Variants in DNAH7 observed in about 807,000 individuals in gnomAD.
The protein encoded by DNAH7 is axonemal beta dynein heavy chain 7.
Under a neutral mutation model 444.6 loss-of-function variants are expected in DNAH7, and 397 were observed. That is an observed-to-expected ratio of 0.89 (90% confidence interval 0.82 to 0.97). The LOEUF is 0.97. Among genes scored for constraint, DNAH7 ranks in the 50% least tolerant of loss-of-function variants. The pLI is 0.00. For missense variants in DNAH7, 4,902 were observed against 4,800.8 expected, an observed-to-expected ratio of 1.02 and a Z score of -0.62; for synonymous variants, 1,636 against 1,624.4, an observed-to-expected ratio of 1.01 and a Z score of -0.17.
intron 12 of DNAH7, among the ~76,000 whole-genome samples, chr2:195,988,744 T>C (rs1411710396): frequency 2.6e-5 from 4 of 152,146 alleles, no homozygotes; most frequent in Non-Finnish European, 5.9e-5. Context: ...TATTGTTAAC[T>C]ATAGTCACCC....
At chr2:195,888,596 T>C (rs987279528) in intron 32 of DNAH7, among the ~76,000 whole-genome samples, 162 bp from the exon 33 acceptor site, 3 of 152,192 alleles carry the variant, frequency 2.0e-5, no homozygotes, top group Non-Finnish European at 2.9e-5. Flanking sequence ...CTTTACCAAA[T>C]AGTCCTAAAC....
In DNAH7 at chr2:195,864,534, G is replaced by A. The variant is rs1490345189; in HGVS notation, c.7121C>T (p.Thr2374Ile). The change falls in exon 41 of 65, where the codon ACT becomes ATT. Residue 2374 changes from threonine (T) to isoleucine (I), a missense_variant. Thr to Ile is a moderately conservative substitution (Grantham distance 89). Coordinates refer to ENST00000312428, the MANE Select transcript of DNAH7 (RefSeq NM_018897.3). Reference sequence around the variant, plus strand: ...CACTTTTAAATCTTCATGCCATTCAGTAGTATCATACCCCTTAGAGATTTC... The same window carrying A: ...CACTTTTAAATCTTCATGCCATTCAATAGTATCATACCCCTTAGAGATTTC... ...QVEISKGYDTTEWHEDLKVIL... is the reference protein window; with the variant it reads ...QVEISKGYDTIEWHEDLKVIL... 6.2e-7 allele frequency: 1 copy of A among 1,614,144 alleles called. No homozygotes were observed. The highest frequency in any genetic ancestry group is 1.7e-5 in the Admixed American group (1 of 60,014).
intron 18 of DNAH7, among the ~76,000 whole-genome samples, chr2:195,959,115 G>T (rs1690901479): frequency 6.6e-6 from 1 of 152,028 alleles, no homozygotes; most frequent in South Asian, 2.1e-4. Flanking sequence ...CTTAGATGTG[G>T]CATAGTCTTA....
intron 46 of DNAH7, among the ~76,000 whole-genome samples, chr2:195,848,416 T>C (rs1311334880): frequency 6.6e-6 from 1 of 152,222 alleles, no homozygotes; most frequent in Non-Finnish European, 1.5e-5. Flanking sequence ...GGCACACAAT[T>C]TCATTTCTGA....
At chr2:196,055,486 A>T (rs888852489) in intron 2 of DNAH7, among the ~76,000 whole-genome samples, 3 of 152,226 alleles carry the variant, frequency 2.0e-5, no homozygotes, top group Non-Finnish European at 4.4e-5. Context: ...AGATTAGGGG[A>T]ACGTTTCACA....
At chr2:196,050,624 T>A (rs1192044056) in intron 3 of DNAH7, among the ~76,000 whole-genome samples, 2 of 152,210 alleles carry the variant, frequency 1.3e-5, no homozygotes, top group African/African-American at 4.8e-5. Flanking sequence ...TACTAGACAA[T>A]AAATTTTATT....
intron 7 of DNAH7, among the ~76,000 whole-genome samples, chr2:196,024,929 T>C (rs957468668): frequency 1.3e-5 from 2 of 150,818 alleles, no homozygotes; most frequent in African/African-American, 4.9e-5. Context: ...CAACCAACGA[T>C]GAATCAAAAA....
intron 36 of DNAH7, among the ~76,000 whole-genome samples, chr2:195,878,812 C>G (rs1701205288): frequency 6.6e-6 from 1 of 151,964 alleles, no homozygotes; most frequent in South Asian, 2.1e-4. Flanking sequence ...CAAAAATAAA[C>G]TGAGGTTTCA....
intron 24 of DNAH7, among the ~76,000 whole-genome samples, chr2:195,912,708 T>A (rs182741756): frequency 6.6e-6 from 1 of 152,242 alleles, no homozygotes; most frequent in Non-Finnish European, 1.5e-5. Context: ...GACATCACTA[T>A]ACAGCCAAGA....
chr2:196,009,225 C>T (rs1694575452), intron 10 of DNAH7, among the ~76,000 whole-genome samples: 1 of 152,118 alleles, frequency 6.6e-6, no homozygotes, highest in African/African-American at 2.4e-5. Context: ...GACAAGCATC[C>T]AAACTATACG....
chr2:195,745,225 C>T (rs557552302), intron 63 of DNAH7, among the ~76,000 whole-genome samples: 1 of 151,996 alleles, frequency 6.6e-6, no homozygotes, highest in African/African-American at 2.4e-5. Flanking sequence ...CCTCAGGAGC[C>T]GATGCGATCA....
Position 195,960,309 on chromosome 2 carries a change from G to C in DNAH7, c.2842C>G (p.Gln948Glu), listed in dbSNP as rs1366682622. The stretch of plus-strand genomic sequence containing the variant: ...ATGAAAGGAGATCCTCGCATAGTTT[G>C]TGTTTTAATAATATGGTCATCCAAC... ...MLLDDHIIKTQTMRGSPFIKP... is the reference protein window; with the variant it reads ...MLLDDHIIKTETMRGSPFIKP... The change falls in exon 18 of 65, where the codon CAA (glutamine) becomes GAA (glutamate). Residue 948 changes from glutamine (Q) to glutamate (E), a missense_variant. Coordinates refer to ENST00000312428, the MANE Select transcript of DNAH7 (RefSeq NM_018897.3). 3 of 1,613,616 alleles carry C rather than the reference G, an allele frequency of 1.9e-6. No individual in the cohort carries two copies. The East Asian group carries it at 6.7e-5, about 36-fold the overall frequency.
intron 61 of DNAH7, 80 bp from the exon 62 acceptor site, chr2:195,756,365 T>A: frequency 1.6e-6 from 2 of 1,213,860 alleles, no homozygotes; most frequent in Non-Finnish European, 2.2e-6. Context: ...AATACCTCCT[T>A]CATGATTATC....
chr2:195,969,234 G>A (rs1003089871), intron 17 of DNAH7, among the ~76,000 whole-genome samples: 3 of 152,086 alleles, frequency 2.0e-5, no homozygotes, highest in African/African-American at 7.2e-5. Flanking sequence ...AGTGGCCTTG[G>A]TTTAAAATAA....
In DNAH7 at chr2:196,001,181, A is replaced by G. The variant is rs542742810; in HGVS notation, c.1174-298T>C. On this transcript the variant is annotated intron_variant, in intron 11 of 64. Coordinates refer to ENST00000312428, the MANE Select transcript of DNAH7 (RefSeq NM_018897.3). Reference sequence around the variant, plus strand: ...TAGAGCCCAAGAGAAGAACACTCCAATTCCAAGGCCCTGCTCACACTGCAA... The same window carrying G: ...TAGAGCCCAAGAGAAGAACACTCCAGTTCCAAGGCCCTGCTCACACTGCAA... Among the ~76,000 whole-genome samples, 41 of 152,244 alleles carry G rather than the reference A, an allele frequency of 2.7e-4. No individual in the cohort carries two copies. The South Asian group carries it at 8.5e-3, about 32-fold the overall frequency.
In DNAH7 at chr2:195,737,713, T is replaced by A; in HGVS notation, c.*208A>T. On this transcript the variant is annotated 3_prime_UTR_variant, in exon 65 of 65. Transcript: ENST00000312428. The stretch of plus-strand genomic sequence containing the variant: ...CAAAGAGAGCAAATATGCCAGTGTG[T>A]TTTCTTTAGTCTTTATTTCAGAACA... The A allele has an allele frequency of 2.2e-6, 1 of 450,604 alleles. No individual in the cohort carries two copies. Among genetic ancestry groups the A allele is most frequent in the Non-Finnish European group, 4.0e-6 (1 of 251,402 alleles). 27.9% of individuals were successfully genotyped at this position (450,604 alleles called of 1,614,324 possible).
chr2:195,878,237 T>C (rs1701169071), intron 36 of DNAH7, among the ~76,000 whole-genome samples: 1 of 152,246 alleles, frequency 6.6e-6, no homozygotes, highest in African/African-American at 2.4e-5. Context: ...TATATTTTTA[T>C]TAGCTAACAG....
At chr2:196,016,553 A>G (rs1695032985) in intron 9 of DNAH7, among the ~76,000 whole-genome samples, 1 of 152,208 alleles carries the variant, frequency 6.6e-6, no homozygotes, top group African/African-American at 2.4e-5. Flanking sequence ...AGCTAAAGCC[A>G]GTTTTAAGGA....
At chr2:195,740,599 GTGTGTGTGTGTGTGTGTATATATA>G (rs1241022721) in intron 64 of DNAH7, among the ~76,000 whole-genome samples, 143 bp downstream of exon 64, 10 of 34,868 alleles carry the variant, frequency 2.9e-4, no homozygotes, top group East Asian at 1.2e-3. Context: ...GTGTGTGTGT[GTGTGTGTGTGTGTGTGTATATATA>G]TATATATATA....
Sources: allele counts gnomAD v4.1 joint callset (sites outside exome capture counted in the v4.1 genomes callset), GRCh38; gene constraint gnomAD v4.1.1; transcripts MANE v1.5; gene names NCBI Gene and HGNC (gene_info 2026-07-23, HGNC 2026-07-21).